CSMD1: variants seen among roughly 807,000 people sequenced by gnomAD.
CSMD1 encodes the protein CUB and Sushi multiple domains 1.
In CSMD1, 213 loss-of-function variants were observed where a neutral mutation model predicts 417.5. The observed-to-expected ratio is 0.51, with a 90% CI of 0.46 to 0.57. CSMD1 has a LOEUF of 0.57. CSMD1 is among the 20% of genes least tolerant of loss of function. The probability of loss-of-function intolerance (pLI) is 0.00; values close to 1 mark genes in which losing one functional copy is unlikely to be tolerated. For synonymous variants in CSMD1, 2,862 were observed against 1,736.8 expected (o/e 1.65, Z -16.11); for missense variants, 6,923 against 4,529.7 (o/e 1.53, Z -15.17).
At chr8:4,885,003 G>A (rs1032228899) in intron 1 of CSMD1, among the ~76,000 whole-genome samples, 2 of 151,966 alleles carry the variant, frequency 1.3e-5, no homozygotes, top group South Asian at 4.1e-4. Context: ...ATTTATTTAG[G>A]TCTTCTTTAA....
At chr8:4,459,516 G>T (rs948686175) in intron 2 of CSMD1, among the ~76,000 whole-genome samples, 16 of 152,298 alleles carry the variant, frequency 1.1e-4, no homozygotes, top group Non-Finnish European at 2.1e-4. Context: ...AATGGAAATT[G>T]TGAGGATAAG....
At chr8:3,558,267 C>A (rs904796652) in intron 10 of CSMD1, among the ~76,000 whole-genome samples, 6 of 150,256 alleles carry the variant, frequency 4.0e-5, no homozygotes, top group African/African-American at 1.2e-4. Context: ...TGTGTCCACT[C>A]CTCCAGTGAT....
At chr8:4,778,366 C>T (rs1404334366) in intron 1 of CSMD1, among the ~76,000 whole-genome samples, 1 of 152,098 alleles carries the variant, frequency 6.6e-6, no homozygotes, top group East Asian at 1.9e-4. Context: ...GATTTTTCCA[C>T]AAAACTTGAT....
chr8:4,936,161 T>A (rs996565498), intron 1 of CSMD1, among the ~76,000 whole-genome samples: 1 of 152,206 alleles, frequency 6.6e-6, no homozygotes, highest in Admixed American at 6.5e-5. Context: ...TACATCTAGA[T>A]CCTGAAAATC....
chr8:3,145,414 C>A (rs531872258), intron 40 of CSMD1, among the ~76,000 whole-genome samples: 11 of 152,246 alleles, frequency 7.2e-5, no homozygotes, highest in African/African-American at 2.2e-4. Context: ...CGAAACATAA[C>A]AACTTGCAAG....
At chr8:3,812,859 G>A (rs10102119) in intron 5 of CSMD1, among the ~76,000 whole-genome samples, 119,391 of 152,060 alleles carry the variant, frequency 0.79, 47,226 homozygotes, top group African/African-American at 0.88. Flanking sequence ...ATCCTGAATT[G>A]GCCAACGAGG....
Position 3,861,447 on chromosome 8 carries a change from G to C in CSMD1, c.819-107405C>G, listed in dbSNP as rs143073568. Among the ~76,000 whole-genome samples the C allele has an allele frequency of 3.9e-4, 59 of 152,302 alleles. 1 individual carries two copies. In the East Asian group the frequency reaches 9.3e-3, roughly 24 times the overall value. ...GCATCTGACTGGGGGTACTATGAAT[G>C]AACAACCTATAGCATTTGAGAGGCC... On this transcript the variant is annotated intron_variant, in intron 5 of 69. Coordinates refer to ENST00000635120, the MANE Select transcript of CSMD1 (RefSeq NM_033225.6).
At chr8:4,907,230 G>C (rs1011353185) in intron 1 of CSMD1, among the ~76,000 whole-genome samples, 1 of 152,096 alleles carries the variant, frequency 6.6e-6, no homozygotes, top group African/African-American at 2.4e-5. Context: ...CTAGTGAAAA[G>C]CTACTTCTCT....
intron 12 of CSMD1, among the ~76,000 whole-genome samples, chr8:3,425,475 C>T (rs1813777443): frequency 6.6e-6 from 1 of 151,238 alleles, no homozygotes; most frequent in African/African-American, 2.4e-5. Flanking sequence ...GTAATCTCAG[C>T]TACTTGGGAG....
At chr8:4,548,003 A>C (rs1331277175) in intron 2 of CSMD1, among the ~76,000 whole-genome samples, 2 of 152,216 alleles carry the variant, frequency 1.3e-5, no homozygotes, top group African/African-American at 4.8e-5. Context: ...ACTCCCAAGC[A>C]ATCCAGTACT....
intron 2 of CSMD1, among the ~76,000 whole-genome samples, chr8:4,442,476 A>G (rs138306723): frequency 1.3e-5 from 2 of 152,168 alleles, no homozygotes; most frequent in African/African-American, 2.4e-5. Flanking sequence ...ATCTACAAGC[A>G]TATTACATCT....
At chr8:4,196,221 A>G (rs550387625) in intron 3 of CSMD1, among the ~76,000 whole-genome samples, 2 of 152,270 alleles carry the variant, frequency 1.3e-5, no homozygotes, top group South Asian at 4.1e-4. Flanking sequence ...AAAAATAAAT[A>G]AATAAATAAA....
At chr8:3,993,557 A>G (rs1444931043) in intron 5 of CSMD1, among the ~76,000 whole-genome samples, 1 of 152,212 alleles carries the variant, frequency 6.6e-6, no homozygotes, top group Non-Finnish European at 1.5e-5. Flanking sequence ...GTTTAACAGG[A>G]ACAAAATAAA....
chr8:3,005,451 T>C (rs637783), intron 52 of CSMD1, among the ~76,000 whole-genome samples: 31,182 of 152,090 alleles, frequency 0.21, 5,893 homozygotes, highest in African/African-American at 0.5. Context: ...ATACCAAAGC[T>C]GGGCAGAAAC....
intron 37 of CSMD1, among the ~76,000 whole-genome samples, chr8:3,172,876 T>G (rs1331750090): frequency 6.6e-6 from 1 of 152,194 alleles, no homozygotes; most frequent in Non-Finnish European, 1.5e-5. Flanking sequence ...CGGCAATATT[T>G]ATCTCATGAT....
At chr8:4,920,335 T>C (rs1287325788) in intron 1 of CSMD1, among the ~76,000 whole-genome samples, 4 of 152,046 alleles carry the variant, frequency 2.6e-5, no homozygotes, top group Admixed American at 2.0e-4. Flanking sequence ...CATAGGAAAA[T>C]TAGAATATTA....
chr8:4,031,847 C>G, intron 4 of CSMD1, 58 bp downstream of exon 4: 10 of 1,337,852 alleles, frequency 7.5e-6, no homozygotes, highest in Non-Finnish European at 8.0e-6. Context: ...ATAAAAGCAT[C>G]TCCAAAACCA....
intron 3 of CSMD1, among the ~76,000 whole-genome samples, chr8:4,182,330 T>C (rs17069226): frequency 0.33 from 49,697 of 151,944 alleles, 8,226 homozygotes; most frequent in South Asian, 0.41. Flanking sequence ...AAATTTATTC[T>C]TGTAATCCCC....
At chr8:4,944,292 A>C (rs1268853097) in intron 1 of CSMD1, among the ~76,000 whole-genome samples, 1 of 152,208 alleles carries the variant, frequency 6.6e-6, no homozygotes, top group Non-Finnish European at 1.5e-5. Flanking sequence ...TATTATGGAG[A>C]TCAATGCAAA....
Sources: allele counts gnomAD v4.1 joint callset (sites outside exome capture counted in the v4.1 genomes callset), GRCh38; gene constraint gnomAD v4.1.1; transcripts MANE v1.5; gene names NCBI Gene and HGNC (gene_info 2026-07-23, HGNC 2026-07-21).